The following NCAM1 variants were observed in gnomAD, a reference collection of about 807,000 sequenced individuals.
NCAM1 encodes neural cell adhesion molecule 1, also known as antigen recognized by monoclonal antibody 5.1H11.
NCAM1 carries 14 observed loss-of-function variants against 109.8 expected under a neutral mutation model. That is an observed-to-expected ratio of 0.13 (90% CI 0.08 to 0.20). NCAM1 has a LOEUF of 0.20. Ranked by LOEUF, NCAM1 falls within the 10% of genes least tolerant of loss-of-function variation. The pLI, the probability that NCAM1 is intolerant of heterozygous loss-of-function variation, is 1.00. For missense variants in NCAM1, 774 were observed against 1,109.9 expected (o/e 0.70, Z 4.30); for synonymous variants, 418 against 442.9 (o/e 0.94, Z 0.70).
chr11:113,156,039 G>T (rs1398542243), intron 1 of NCAM1, among the ~76,000 whole-genome samples: 1 of 152,164 alleles, frequency 6.6e-6, no homozygotes, highest in African/African-American at 2.4e-5. Context: ...TGAGCAAATG[G>T]CACACAAGCC....
intron 7 of NCAM1, among the ~76,000 whole-genome samples, chr11:113,210,145 C>T (rs782265314): frequency 2.0e-5 from 3 of 152,060 alleles, no homozygotes; most frequent in Non-Finnish European, 4.4e-5. Flanking sequence ...CCTGGAAACA[C>T]GATCATCACC....
chr11:113,271,516 C>T (rs1946273919), intron 18 of NCAM1, among the ~76,000 whole-genome samples: 1 of 151,716 alleles, frequency 6.6e-6, no homozygotes, highest in African/African-American at 2.4e-5. Context: ...TCATTGAATT[C>T]TCATAACTAG....
chr11:112,983,087 G>C (rs1268202190), intron 1 of NCAM1, among the ~76,000 whole-genome samples: 1 of 151,924 alleles, frequency 6.6e-6, no homozygotes, highest in Non-Finnish European at 1.5e-5. Flanking sequence ...GCAAGTTACT[G>C]TTTTGTATAT....
chr11:113,126,929 C>G (rs1941202526), intron 1 of NCAM1, among the ~76,000 whole-genome samples: 1 of 152,214 alleles, frequency 6.6e-6, no homozygotes, highest in South Asian at 2.1e-4. Flanking sequence ...CCAGACAGAC[C>G]TTGGTGCAAG....
At chr11:113,204,200 T>A in intron 2 of NCAM1, 86 bp from the exon 3 acceptor site, 1 of 1,111,588 alleles carries the variant, frequency 9.0e-7, no homozygotes, top group Non-Finnish European at 1.3e-6. Flanking sequence ...GTTCAGTAAC[T>A]CTTACTGATC....
chr11:113,277,461 G>A lies in NCAM1; in HGVS notation c.*2074G>A, dbSNP rs1023307714. The A allele has an allele frequency of 4.0e-5, 16 of 398,958 alleles. No individual in the cohort carries two copies. Among genetic ancestry groups the A allele is most frequent in the African/African-American group, 2.9e-4 (14 of 48,616 alleles). The allele number at this position is 398,958 out of a possible 1,614,324, so 24.7% of individuals were successfully genotyped here. A position where few individuals can be genotyped will look rare whatever the true frequency, so the allele number is the denominator to read the frequency against. On this transcript the variant is annotated 3_prime_UTR_variant, in exon 20 of 20. Transcript: ENST00000316851. ...ACAGGCCCTCAGAATAGAGGAACAT[G>A]AAGAGAGATCTTAGAGCACACAGTA...
At chr11:113,138,941 G>A (rs1291655780) in intron 1 of NCAM1, among the ~76,000 whole-genome samples, 2 of 152,184 alleles carry the variant, frequency 1.3e-5, no homozygotes, top group Admixed American at 6.5e-5. Context: ...TGGCCCTCCA[G>A]TCTCTGCCTA....
chr11:113,211,799 T>C (rs1366765747), intron 7 of NCAM1, among the ~76,000 whole-genome samples: 1 of 152,146 alleles, frequency 6.6e-6, no homozygotes, highest in African/African-American at 2.4e-5. Context: ...CTTCTTTGGC[T>C]AGGGTTGTAG....
chr11:113,223,860 G>T (rs1178878605), intron 9 of NCAM1, among the ~76,000 whole-genome samples: 2 of 152,154 alleles, frequency 1.3e-5, no homozygotes, highest in African/African-American at 2.4e-5. Flanking sequence ...AGAGATACCT[G>T]CAGGGATGGC....
chr11:113,081,828 C>T (rs782247078), intron 1 of NCAM1, among the ~76,000 whole-genome samples: 4 of 152,164 alleles, frequency 2.6e-5, no homozygotes, highest in South Asian at 2.1e-4. Context: ...GCCATCGCGC[C>T]GTCTTTTCTT....
In NCAM1 at chr11:113,054,975, G is replaced by A. The variant is rs543870711; in HGVS notation, c.52+93311G>A. 7.2e-5 allele frequency among the ~76,000 whole-genome samples: 11 copies of A among 152,294 alleles called. No homozygotes were observed. The South Asian group carries it at 2.1e-3, about 29-fold the overall frequency. ...TTGGCCATCTTAGGGCGACCTGGCT[G>A]GAGAATGGCAGGCCCCTCACAACTT... On this transcript the variant is annotated intron_variant, in intron 1 of 19. Transcript: ENST00000316851.
At chr11:113,246,271 C>T in intron 14 of NCAM1, 97 bp from the exon 15 acceptor site, 1 of 670,332 alleles carries the variant, frequency 1.5e-6, no homozygotes, top group South Asian at 1.6e-5. Flanking sequence ...GTGACCTCCT[C>T]CACTTTCCTT....
intron 1 of NCAM1, chr11:113,197,218 T>C: frequency 3.9e-6 from 1 of 257,866 alleles, no homozygotes. Context: ...GAGATTTGGG[T>C]GGGGACACAG....
At chr11:113,265,272 A>C (rs1284125740) in intron 17 of NCAM1, 86 of 513,334 alleles carry the variant, frequency 1.7e-4, no homozygotes, top group Non-Finnish European at 2.0e-4. Context: ...TCCGCCTCTC[A>C]TGTACCTGGA....
chr11:113,021,901 C>T (rs1335156566), intron 1 of NCAM1, among the ~76,000 whole-genome samples: 2 of 152,202 alleles, frequency 1.3e-5, no homozygotes, highest in African/African-American at 4.8e-5. Context: ...ACAGCTACTG[C>T]AATGGTTGTT....
intron 1 of NCAM1, among the ~76,000 whole-genome samples, chr11:113,157,271 G>A (rs1555103599): frequency 3.3e-5 from 5 of 152,090 alleles, no homozygotes; most frequent in Non-Finnish European, 7.3e-5. Context: ...TCTAGAGAGA[G>A]CACCTAGGAC....
intron 2 of NCAM1, 62 bp from the exon 3 acceptor site, chr11:113,204,224 C>T (rs142223642): frequency 7.3e-7 from 1 of 1,378,110 alleles, no homozygotes; most frequent in Admixed American, 2.0e-5. Context: ...CACTGTCAGT[C>T]TGGAGGGGAC....
chr11:113,230,458 C>T (rs1944972925), intron 9 of NCAM1, among the ~76,000 whole-genome samples: 1 of 152,176 alleles, frequency 6.6e-6, no homozygotes. Flanking sequence ...CAGTGATGGT[C>T]CAAGGGACTT....
At chr11:112,974,563 G>A (rs1348821197) in intron 1 of NCAM1, among the ~76,000 whole-genome samples, 1 of 152,016 alleles carries the variant, frequency 6.6e-6, no homozygotes, top group African/African-American at 2.4e-5. Flanking sequence ...CACGGTATAA[G>A]TCCAACTACT....
Sources: allele counts gnomAD v4.1 joint callset (sites outside exome capture counted in the v4.1 genomes callset), GRCh38; gene constraint gnomAD v4.1.1; transcripts MANE v1.5; gene names NCBI Gene and HGNC (gene_info 2026-07-23, HGNC 2026-07-21).